TNS3: variants seen among roughly 807,000 people sequenced by gnomAD.
TNS3 encodes tensin-3.
TNS3 carries 45 observed loss-of-function variants against 140.9 expected under a neutral mutation model. The ratio of observed to expected loss-of-function variants is 0.32; its 90% CI spans 0.25 to 0.41. The LOEUF (loss-of-function observed/expected upper bound fraction) is 0.41. Ranked by LOEUF, TNS3 falls within the 10% of genes least tolerant of loss-of-function variation. The pLI is 1.00. For missense variants in TNS3, 1,716 were observed against 1,906.7 expected, an observed-to-expected ratio of 0.90 and a Z score of 1.86; for synonymous variants, 815 against 788.4, an observed-to-expected ratio of 1.03 and a Z score of -0.56.
In TNS3 at chr7:47,389,080, AGAAGAGGAAGAG is replaced by A. The variant is rs1167454390; in HGVS notation, c.1024+7708_1024+7719del. ...AAGAAGAAGAAGAAGAAGAAGAAGA[AGAAGAGGAAGAG>A]GAAGAGGAAGCGGAAGCAGAAGAAG... On this transcript the variant is annotated intron_variant, in intron 16 of 30. Transcript: ENST00000311160. Among the ~76,000 whole-genome samples, 8 of 65,826 alleles carry A rather than the reference AGAAGAGGAAGAG, an allele frequency of 1.2e-4. No individual in the cohort carries two copies. In the East Asian group the frequency reaches 2.3e-3, roughly 19 times the overall value. 43.2% of individuals were successfully genotyped at this position (65,826 alleles called of 152,430 possible). A position where few individuals can be genotyped will look rare whatever the true frequency, so the allele number is the denominator to read the frequency against.
intron 3 of TNS3, among the ~76,000 whole-genome samples, chr7:47,493,179 G>C (rs2151834202): frequency 6.6e-6 from 1 of 152,332 alleles, no homozygotes; most frequent in East Asian, 1.9e-4. Context: ...AATGTTCAGT[G>C]GTCATCCGTA....
At chr7:47,478,990 T>G (rs1423623925) in intron 4 of TNS3, among the ~76,000 whole-genome samples, 1 of 152,078 alleles carries the variant, frequency 6.6e-6, no homozygotes, top group Non-Finnish European at 1.5e-5. Flanking sequence ...GGAGCCAGGC[T>G]GGGCTAGAAG....
Position 47,280,163 on chromosome 7 carries a change from C to A in TNS3, c.4193+1G>T. 2.5e-6 allele frequency: 4 copies of A among 1,614,138 alleles called. No homozygotes were observed. Among genetic ancestry groups the A allele is most frequent in the Non-Finnish European group, 3.4e-6 (4 of 1,180,038 alleles). On this transcript the variant is annotated splice_donor_variant, in intron 30 of 30. Coordinates refer to ENST00000311160, the MANE Select transcript of TNS3 (RefSeq NM_022748.12). LOFTEE classifies it high-confidence loss of function. ...AATGTAAAGAAATCTCAGCAACTTA[C>A]TTTGAGGAAGGGCCATCTTTGATCC...
At chr7:47,414,664 T>C (rs932398288) in intron 11 of TNS3, among the ~76,000 whole-genome samples, 7 of 152,118 alleles carry the variant, frequency 4.6e-5, no homozygotes, top group Non-Finnish European at 7.4e-5. Flanking sequence ...TGCTTTCCTG[T>C]GGGGTCATTT....
At chr7:47,578,969 G>A (rs1307483224) in intron 1 of TNS3, among the ~76,000 whole-genome samples, 1 of 151,714 alleles carries the variant, frequency 6.6e-6, no homozygotes, top group African/African-American at 2.4e-5. Flanking sequence ...TTGTCTCAGC[G>A]TTTTAGGAGC....
chr7:47,337,293 A>C (rs1036438973), intron 20 of TNS3, among the ~76,000 whole-genome samples: 2 of 152,180 alleles, frequency 1.3e-5, no homozygotes, highest in Non-Finnish European at 2.9e-5. Context: ...GCCTTTAACT[A>C]ACTGGGCTAT....
At position 47,453,636 on chromosome 7, in the gene TNS3, C is replaced by T. The variant is rs1224674315; in HGVS notation, c.-75-11581G>A. 5.9e-5 allele frequency among the ~76,000 whole-genome samples: 9 copies of T among 152,120 alleles called. No individual in the cohort carries two copies. The South Asian group carries it at 1.4e-3, about 25-fold the overall frequency. On this transcript the variant is annotated intron_variant, in intron 4 of 30. Coordinates refer to ENST00000311160, the MANE Select transcript of TNS3 (RefSeq NM_022748.12). ...TAAAAACCAAACCAATAAACAAGCA[C>T]AAAAACAGGGTTAAAGACAAGAGTG...
intron 21 of TNS3, among the ~76,000 whole-genome samples, chr7:47,304,077 C>A (rs1001320232): frequency 7.9e-5 from 12 of 152,224 alleles, no homozygotes; most frequent in African/African-American, 2.9e-4. Flanking sequence ...TCATCCCCCG[C>A]AGCCAGGCCG....
At chr7:47,525,243 G>T (rs565897882) in intron 2 of TNS3, among the ~76,000 whole-genome samples, 20 of 152,292 alleles carry the variant, frequency 1.3e-4, no homozygotes, top group African/African-American at 4.8e-4. Flanking sequence ...GCCTCCCACC[G>T]AAGCAGAACT....
At chr7:47,362,697 A>G (rs1647059160) in intron 17 of TNS3, among the ~76,000 whole-genome samples, 1 of 152,038 alleles carries the variant, frequency 6.6e-6, no homozygotes, top group Admixed American at 6.6e-5. Flanking sequence ...ACTATTACCA[A>G]CATCATCAAC....
intron 20 of TNS3, among the ~76,000 whole-genome samples, chr7:47,342,280 T>C (rs894363031): frequency 2.0e-5 from 3 of 152,240 alleles, no homozygotes; most frequent in Non-Finnish European, 4.4e-5. Context: ...GAGAAAAGTA[T>C]GTCTAATTCA....
intron 23 of TNS3, among the ~76,000 whole-genome samples, chr7:47,300,753 C>T (rs1432779421): frequency 6.6e-6 from 1 of 152,214 alleles, no homozygotes; most frequent in African/African-American, 2.4e-5. Context: ...GGAGGAGGTG[C>T]CGAGGCACTG....
intron 13 of TNS3, among the ~76,000 whole-genome samples, chr7:47,408,187 A>G (rs1793551617): frequency 6.6e-6 from 1 of 152,018 alleles, no homozygotes; most frequent in South Asian, 2.1e-4. Context: ...CAGGTGGGAC[A>G]CTGAGGAAAG....
At chr7:47,337,036 A>G (rs181707394) in intron 20 of TNS3, among the ~76,000 whole-genome samples, 1 of 151,526 alleles carries the variant, frequency 6.6e-6, no homozygotes, top group East Asian at 1.9e-4. Context: ...CCCCCTTGAC[A>G]CGTCATCAAG....
chr7:47,312,506 C>T (rs1437086557), intron 20 of TNS3, among the ~76,000 whole-genome samples: 1 of 151,890 alleles, frequency 6.6e-6, no homozygotes, highest in African/African-American at 2.4e-5. Context: ...AGTTCAAGAC[C>T]ATCCTAGCCA....
At chr7:47,452,766 C>T (rs1196831463) in intron 4 of TNS3, among the ~76,000 whole-genome samples, 3 of 152,216 alleles carry the variant, frequency 2.0e-5, no homozygotes, top group South Asian at 2.1e-4. Flanking sequence ...CACAAGGTCC[C>T]ACCGAACATC....
intron 4 of TNS3, among the ~76,000 whole-genome samples, chr7:47,455,169 C>T (rs1254072071): frequency 6.6e-6 from 1 of 152,128 alleles, no homozygotes; most frequent in Non-Finnish European, 1.5e-5. Flanking sequence ...CACCATGGGC[C>T]ACAGAGATAG....
chr7:47,321,788 G>A (rs970319263), intron 20 of TNS3, among the ~76,000 whole-genome samples: 1 of 152,136 alleles, frequency 6.6e-6, no homozygotes. Flanking sequence ...AGACCAAATT[G>A]TCCTGATTTT....
intron 16 of TNS3, among the ~76,000 whole-genome samples, chr7:47,382,390 T>C (rs191721376): frequency 2.8e-4 from 43 of 152,348 alleles, no homozygotes; most frequent in Non-Finnish European, 4.9e-4. Flanking sequence ...TGGCAGCCAC[T>C]GAGCAGGCAG....
Sources: gnomAD v4.1 joint callset for allele counts (sites outside exome capture counted in the v4.1 genomes callset) on GRCh38, gnomAD v4.1.1 for gene constraint, MANE v1.5 for transcripts, NCBI Gene and HGNC (gene_info 2026-07-23, HGNC 2026-07-21) for gene names.